Variants in RFC3 observed in about 807,000 individuals in gnomAD.
RFC3 encodes the protein A1 38 kDa subunit.
A neutral mutation model predicts 45.1 loss-of-function variants in RFC3; 41 were observed. That is an observed-to-expected ratio of 0.91 (90% confidence interval 0.71 to 1.18). RFC3 has a LOEUF of 1.18. Among genes scored for constraint, RFC3 ranks in the 50% most tolerant of loss-of-function variants. The probability of loss-of-function intolerance (pLI) is 0.00; values close to 1 mark genes in which losing one functional copy is unlikely to be tolerated. For synonymous variants in RFC3, 149 were observed against 144.0 expected, an observed-to-expected ratio of 1.03 and a Z score of -0.25; for missense variants, 423 against 428.1, an observed-to-expected ratio of 0.99 and a Z score of 0.10.
chr13:33,887,376 T>C (rs2082532799), intron 8 of RFC3, among the ~76,000 whole-genome samples: 1 of 151,974 alleles, frequency 6.6e-6, no homozygotes, highest in African/African-American at 2.4e-5. Context: ...TGCGTTTCTC[T>C]GATGGCCAGT....
At chr13:33,962,402 C>T (rs2083062823) in intron 8 of RFC3, among the ~76,000 whole-genome samples, 1 of 152,174 alleles carries the variant, frequency 6.6e-6, no homozygotes. Flanking sequence ...TCTTATCAAC[C>T]TAACCCCCAG....
intron 8 of RFC3, among the ~76,000 whole-genome samples, chr13:33,953,717 A>C (rs1002831981): frequency 6.6e-6 from 1 of 152,178 alleles, no homozygotes; most frequent in Non-Finnish European, 1.5e-5. Context: ...CAGGCCAGTT[A>C]TATTTCCAGA....
chr13:33,912,470 G>A (rs1369806090), intron 8 of RFC3, among the ~76,000 whole-genome samples: 2 of 152,086 alleles, frequency 1.3e-5, no homozygotes, highest in African/African-American at 4.8e-5. Context: ...AATAGATAGA[G>A]GTTAGAAGTT....
At chr13:33,878,494 G>A (rs992238561) in intron 8 of RFC3, among the ~76,000 whole-genome samples, 1 of 152,178 alleles carries the variant, frequency 6.6e-6, no homozygotes, top group Admixed American at 6.5e-5. Flanking sequence ...GGATCACTGA[G>A]CTTTCCAGCT....
intron 8 of RFC3, among the ~76,000 whole-genome samples, chr13:33,852,589 AAAAGAG>A (rs142239747): frequency 0.012 from 1,760 of 152,288 alleles, 36 homozygotes; most frequent in African/African-American, 0.04. Flanking sequence ...AAATAATAAT[AAAAGAG>A]AAAGTTTGGA....
chr13:33,846,310 G>A (rs1350535510), intron 8 of RFC3: 7 of 152,210 alleles, frequency 4.6e-5, no homozygotes, highest in Non-Finnish European at 8.8e-5. Context: ...GGGCTCTTTA[G>A]TCAGCATATT....
chr13:33,954,386 C>G (rs1489158414), intron 8 of RFC3, among the ~76,000 whole-genome samples: 1 of 152,164 alleles, frequency 6.6e-6, no homozygotes, highest in Admixed American at 6.5e-5. Context: ...TGTCCATGAG[C>G]TTTATATTCC....
At chr13:33,845,831 G>C (rs529596341) in intron 8 of RFC3, among the ~76,000 whole-genome samples, 2 of 152,296 alleles carry the variant, frequency 1.3e-5, no homozygotes, top group African/African-American at 4.8e-5. Flanking sequence ...CCTGCTGCTT[G>C]TAGATGTTCA....
At chr13:33,973,075 C>A in the RFC3 span, among the ~76,000 whole-genome samples, 67 of 152,116 alleles carry the variant, frequency 4.4e-4, no homozygotes, top group Middle Eastern at 6.8e-3. Flanking sequence ...TTTTACTCTG[C>A]AAAAGCCATA....
At chr13:33,943,970 C>T (rs2082939933) in intron 8 of RFC3, among the ~76,000 whole-genome samples, 1 of 152,088 alleles carries the variant, frequency 6.6e-6, no homozygotes, top group Non-Finnish European at 1.5e-5. Context: ...CAAAGCCCCC[C>T]AAAATTAATT....
At chr13:33,872,348 G>A (rs2082415544) in intron 8 of RFC3, among the ~76,000 whole-genome samples, 1 of 152,168 alleles carries the variant, frequency 6.6e-6, no homozygotes, top group Non-Finnish European at 1.5e-5. Flanking sequence ...TTTAATTCTT[G>A]AGAAATGATT....
At chr13:33,935,721 A>G (rs916341508) in intron 8 of RFC3, among the ~76,000 whole-genome samples, 7 of 152,108 alleles carry the variant, frequency 4.6e-5, no homozygotes, top group African/African-American at 1.7e-4. Flanking sequence ...TCATCCTGTC[A>G]CTCATGAGCA....
chr13:33,976,889 G>T, the RFC3 span, among the ~76,000 whole-genome samples: 7 of 152,214 alleles, frequency 4.6e-5, no homozygotes, highest in South Asian at 1.5e-3. Flanking sequence ...GAAAAAACTT[G>T]TAACTTAATA....
At chr13:33,893,249 C>A (rs1313542906) in intron 8 of RFC3, among the ~76,000 whole-genome samples, 3 of 152,126 alleles carry the variant, frequency 2.0e-5, no homozygotes, top group Non-Finnish European at 4.4e-5. Context: ...GCCAGGATAT[C>A]CCCTTTGGAA....
At chr13:33,959,132 C>T (rs1362254437) in intron 8 of RFC3, among the ~76,000 whole-genome samples, 3 of 152,280 alleles carry the variant, frequency 2.0e-5, no homozygotes, top group African/African-American at 7.2e-5. Flanking sequence ...TGGTAACACT[C>T]CTGATCTGCT....
chr13:33,855,721 T>C (rs2082304986), intron 8 of RFC3, among the ~76,000 whole-genome samples: 2 of 152,238 alleles, frequency 1.3e-5, no homozygotes, highest in South Asian at 4.1e-4. Flanking sequence ...ATTTCTTTCA[T>C]GATCAGTGAT....
At chr13:33,967,200 G>A (rs1010513269), downstream of RFC3, among the ~76,000 whole-genome samples, 14 of 151,858 alleles carry the variant, frequency 9.2e-5, no homozygotes, top group Non-Finnish European at 1.8e-4. Flanking sequence ...AAACATTAGG[G>A]ATAAACTAAA....
In RFC3 at chr13:33,825,867, C is replaced by A; in HGVS notation, c.372C>A (p.Asn124Lys). Residue 124 changes from asparagine to lysine, a missense_variant, in exon 4 of 9, where the codon AAC (asparagine) becomes AAA (lysine). Transcript: ENST00000380071. ...TVAQSQQLET[N>K]SQRDFKVVLL... The stretch of plus-strand genomic sequence containing the variant: ...CACAATCACAACAACTTGAAACAAA[C>A]TCTCAAAGGGATTTTAAAGGTAGGT... 1 of 1,606,052 alleles carries A rather than the reference C, an allele frequency of 6.2e-7. No homozygotes were observed. Among genetic ancestry groups the A allele is most frequent in the Non-Finnish European group, 8.5e-7 (1 of 1,175,238 alleles).
At chr13:33,827,453 A>T (rs958044414) in intron 4 of RFC3, among the ~76,000 whole-genome samples, 1 of 152,204 alleles carries the variant, frequency 6.6e-6, no homozygotes, top group African/African-American at 2.4e-5. Context: ...TTGTGCCATT[A>T]TCCTCAATCT....
Sources: gnomAD v4.1 joint callset for allele counts (sites outside exome capture counted in the v4.1 genomes callset) on GRCh38, gnomAD v4.1.1 for gene constraint, MANE v1.5 for transcripts, NCBI Gene and HGNC (gene_info 2026-07-23, HGNC 2026-07-21) for gene names.